Variants in FBXL7 observed in about 807,000 individuals in gnomAD.
The protein encoded by FBXL7 is F-box and leucine rich repeat protein 7, also known as F-box/LRR-repeat protein 7.
A neutral mutation model predicts 38.3 loss-of-function variants in FBXL7; 12 were observed. The observed-to-expected ratio is 0.31, with a 90% CI of 0.20 to 0.51. The LOEUF is 0.51. FBXL7 is among the 20% of genes least tolerant of loss of function. The pLI is 0.98. For missense variants in FBXL7, 567 were observed against 676.4 expected, an observed-to-expected ratio of 0.84 and a Z score of 1.79; for synonymous variants, 297 against 300.9, an observed-to-expected ratio of 0.99 and a Z score of 0.13.
chr5:15,730,489 A>G (rs12189375), intron 2 of FBXL7, among the ~76,000 whole-genome samples: 13,880 of 152,214 alleles, frequency 0.091, 758 homozygotes, highest in South Asian at 0.15. Context: ...TTACTGAGGT[A>G]TGGACTAAAT....
intron 2 of FBXL7, among the ~76,000 whole-genome samples, chr5:15,840,033 T>G (rs965333144): frequency 1.3e-5 from 2 of 152,232 alleles, no homozygotes; most frequent in Non-Finnish European, 2.9e-5. Flanking sequence ...GTAGGATATC[T>G]TCTGTCTTTA....
Position 15,725,256 on chromosome 5 carries a change from A to G in FBXL7, c.127+109184A>G, listed in dbSNP as rs148701879. On this transcript the variant is annotated intron_variant, in intron 2 of 3. Transcript: ENST00000504595. ...TGATTTGAGATCTTTCTTATTTTTT[A>G]ATATAAGCATTTATAGCTGGAGATT... Among the ~76,000 whole-genome samples, 701 of 152,200 alleles carry G rather than the reference A, an allele frequency of 4.6e-3. 5 individuals are homozygous for G. Among genetic ancestry groups the G allele is most frequent in the African/African-American group, 0.016 (669 of 41,530 alleles).
rs1742284427 is a variant in FBXL7, at chr5:15,939,384, T to G, written c.*2198T>G. ...TCTTCCGAGTGAGCTGGTTTAATAC[T>G]CTGAGAATGAGCAGGGAGATCCAGA... On this transcript the variant is annotated 3_prime_UTR_variant, in exon 4 of 4. Transcript: ENST00000504595. 4.4e-6 allele frequency: 1 copy of G among 228,412 alleles called. No homozygotes were observed. Among genetic ancestry groups the G allele is most frequent in the African/African-American group, 2.2e-5 (1 of 44,464 alleles). The allele number at this position is 228,412 out of a possible 1,614,324, so 14.1% of individuals were successfully genotyped here.
At chr5:15,755,629 G>A (rs191486703) in intron 2 of FBXL7, among the ~76,000 whole-genome samples, 19 of 152,270 alleles carry the variant, frequency 1.2e-4, no homozygotes, top group East Asian at 9.6e-4. Flanking sequence ...TAATTTAACC[G>A]AAAACAGTTT....
At chr5:15,661,221 G>C (rs578097587) in intron 2 of FBXL7, among the ~76,000 whole-genome samples, 17 of 152,204 alleles carry the variant, frequency 1.1e-4, no homozygotes, top group African/African-American at 3.9e-4. Context: ...CTAGTGTATA[G>C]AAACACAGTT....
At chr5:15,718,766 A>G (rs1394983294) in intron 2 of FBXL7, among the ~76,000 whole-genome samples, 1 of 152,248 alleles carries the variant, frequency 6.6e-6, no homozygotes, top group East Asian at 1.9e-4. Context: ...TTAAACATTA[A>G]AATCTCCTGG....
rs371800054 is a variant in FBXL7, at chr5:15,822,622, CT to C, written c.128-105249del. On this transcript the variant is annotated intron_variant, in intron 2 of 3. Transcript: ENST00000504595. ...CGGATGAACATTTGAGCTGGTTGCT[CT>C]TTTTTTTTTTTTTTTTTTCTTGCAG... is the stretch of plus-strand genomic sequence containing the variant. Among the ~76,000 whole-genome samples the C allele has an allele frequency of 7.5e-3, 985 of 131,764 alleles. 4 individuals are homozygous for C. The highest frequency in any genetic ancestry group is 0.026 in the South Asian group (106 of 4,024). The allele number at this position is 131,764 out of a possible 152,430, so 86.4% of individuals were successfully genotyped here. A position where few individuals can be genotyped will look rare whatever the true frequency, so the allele number is the denominator to read the frequency against.
At chr5:15,565,887 A>G (rs150476282) in intron 1 of FBXL7, among the ~76,000 whole-genome samples, 78 of 152,264 alleles carry the variant, frequency 5.1e-4, no homozygotes, top group African/African-American at 1.8e-3. Flanking sequence ...AGGACAATCT[A>G]CTTTACTCAG....
At chr5:15,614,292 C>T (rs1405436950) in intron 1 of FBXL7, among the ~76,000 whole-genome samples, 12 of 147,064 alleles carry the variant, frequency 8.2e-5, no homozygotes, top group South Asian at 2.2e-4. Context: ...TTTTTTGAGA[C>T]GGGCTCTCAC....
At chr5:15,515,826 G>T (rs1343772800) in intron 1 of FBXL7, among the ~76,000 whole-genome samples, 1 of 152,040 alleles carries the variant, frequency 6.6e-6, no homozygotes, top group East Asian at 1.9e-4. Context: ...ATGTACTCAT[G>T]ATTATACTAG....
At chr5:15,889,677 C>G (rs1211794114) in intron 2 of FBXL7, among the ~76,000 whole-genome samples, 1 of 152,136 alleles carries the variant, frequency 6.6e-6, no homozygotes, top group African/African-American at 2.4e-5. Flanking sequence ...GGGATAGGAT[C>G]CAGGTATCAG....
intron 2 of FBXL7, among the ~76,000 whole-genome samples, chr5:15,673,417 T>A (rs1742551210): frequency 6.6e-6 from 1 of 152,190 alleles, no homozygotes; most frequent in South Asian, 2.1e-4. Context: ...CTTCTAGTGC[T>A]TTATAATTAA....
At position 15,905,523 on chromosome 5, in the gene FBXL7, T is replaced by G. The variant is rs147565931; in HGVS notation, c.128-22367T>G. Among the ~76,000 whole-genome samples the G allele has an allele frequency of 4.3e-3, 654 of 151,870 alleles. 6 individuals are homozygous for G. Among genetic ancestry groups the G allele is most frequent in the African/African-American group, 0.014 (597 of 41,360 alleles). ...AAATAATTAATATGGAAAAATGGTG[T>G]TGTTTTTTTTTTTGTATCTTCAGTC... On this transcript the variant is annotated intron_variant, in intron 2 of 3. Coordinates refer to ENST00000504595, the MANE Select transcript of FBXL7 (RefSeq NM_012304.5).
chr5:15,676,480 T>C (rs1742659328), intron 2 of FBXL7, among the ~76,000 whole-genome samples: 1 of 152,242 alleles, frequency 6.6e-6, no homozygotes, highest in African/African-American at 2.4e-5. Context: ...GCAAAGGTTT[T>C]TGTTTTTGTA....
intron 2 of FBXL7, among the ~76,000 whole-genome samples, chr5:15,634,228 T>G (rs1243228693): frequency 6.6e-6 from 1 of 151,598 alleles, no homozygotes; most frequent in East Asian, 1.9e-4. Context: ...CACACCTGTG[T>G]GGGGAGGTGG....
At chr5:15,863,062 A>G (rs775730027) in intron 2 of FBXL7, among the ~76,000 whole-genome samples, 9 of 152,136 alleles carry the variant, frequency 5.9e-5, no homozygotes, top group Non-Finnish European at 8.8e-5. Context: ...GTTGACTGCA[A>G]TCCCCACACA....
At chr5:15,775,846 A>G (rs2126715529) in intron 2 of FBXL7, among the ~76,000 whole-genome samples, 1 of 152,226 alleles carries the variant, frequency 6.6e-6, no homozygotes, top group Non-Finnish European at 1.5e-5. Context: ...ATTCTCCTGC[A>G]CTCCATTCAT....
intron 2 of FBXL7, among the ~76,000 whole-genome samples, chr5:15,803,349 A>G (rs1579476453): frequency 1.3e-5 from 2 of 152,166 alleles, no homozygotes; most frequent in African/African-American, 2.4e-5. Context: ...TGTCTTCTAC[A>G]TGCATTTAAA....
intron 2 of FBXL7, among the ~76,000 whole-genome samples, chr5:15,839,984 A>G (rs573632530): frequency 4.6e-5 from 7 of 152,224 alleles, no homozygotes; most frequent in Non-Finnish European, 1.0e-4. Context: ...TTGGGCTATG[A>G]ATAAACCATT....
Sources: allele counts gnomAD v4.1 joint callset (sites outside exome capture counted in the v4.1 genomes callset), GRCh38; gene constraint gnomAD v4.1.1; transcripts MANE v1.5; gene names NCBI Gene and HGNC (gene_info 2026-07-23, HGNC 2026-07-21).